EXO1: variants seen among roughly 807,000 people sequenced by gnomAD.
The protein encoded by EXO1 is exonuclease 1.
In EXO1, 69 loss-of-function variants were observed where a neutral mutation model predicts 84.5. That is an observed-to-expected ratio of 0.82 (90% CI 0.67 to 1.00). The LOEUF is 1.00. EXO1 is among the 50% of genes least tolerant of loss of function. The probability of loss-of-function intolerance (pLI) is 0.00; values close to 1 mark genes in which losing one functional copy is unlikely to be tolerated. For synonymous variants in EXO1, 373 were observed against 366.1 expected, an observed-to-expected ratio of 1.02 and a Z score of -0.21; for missense variants, 1,045 against 1,000.7, an observed-to-expected ratio of 1.04 and a Z score of -0.60.
rs1660510587 is a variant in EXO1, at chr1:241,849,155, A to G, written c.-79A>G. 1.3e-5 allele frequency: 2 copies of G among 152,168 alleles called. No individual in the cohort carries two copies. The highest frequency in any genetic ancestry group is 2.9e-5 in the Non-Finnish European group (2 of 68,040). 9.4% of individuals were successfully genotyped at this position (152,168 alleles called of 1,614,324 possible). On this transcript the variant is annotated 5_prime_UTR_variant, in exon 3 of 16. Coordinates refer to ENST00000366548, the MANE Select transcript of EXO1 (RefSeq NM_130398.4). ...ACTGAGTGGAGTTGAGAGTCTAAGA[A>G]CCTCTGAAATTTGAGAACTGCTGGA...
chr1:241,886,197 T>A (rs1255561314), intron 15 of EXO1, among the ~76,000 whole-genome samples: 1 of 152,230 alleles, frequency 6.6e-6, no homozygotes, highest in East Asian at 1.9e-4. Flanking sequence ...TGCAATATCG[T>A]ACTTCTCTAA....
At chr1:241,871,110 G>A (rs1662062310) in intron 11 of EXO1, among the ~76,000 whole-genome samples, 2 of 152,136 alleles carry the variant, frequency 1.3e-5, no homozygotes, top group African/African-American at 4.8e-5. Context: ...ATCTGGTGTG[G>A]CTTCTGAAAG....
At chr1:241,877,976 A>G (rs867397684) in intron 12 of EXO1, among the ~76,000 whole-genome samples, 3 of 152,166 alleles carry the variant, frequency 2.0e-5, no homozygotes, top group South Asian at 2.1e-4. Flanking sequence ...ATAGTTGTCA[A>G]TTGTCCTTTT....
At chr1:241,859,432 A>C (rs917685725) in intron 8 of EXO1, among the ~76,000 whole-genome samples, 1 of 152,216 alleles carries the variant, frequency 6.6e-6, no homozygotes. Flanking sequence ...TCTCATGTGA[A>C]GAGTACACAA....
chr1:241,889,690 A>AT lies in EXO1; in HGVS notation c.*96dup. ...AATGAGGCACTTATCAGCATGAAGA[A>AT]TTTTTTCTCATTCTGTGCCATTTTA... On this transcript the variant is annotated 3_prime_UTR_variant, in exon 16 of 16. Coordinates refer to ENST00000366548, the MANE Select transcript of EXO1 (RefSeq NM_130398.4). 2.4e-6 allele frequency: 3 copies of AT among 1,240,714 alleles called. No homozygotes were observed. The highest frequency in any genetic ancestry group is 3.6e-6 in the Non-Finnish European group (3 of 842,744). 76.9% of individuals were successfully genotyped at this position (1,240,714 alleles called of 1,614,324 possible). A position where few individuals can be genotyped will look rare whatever the true frequency, so the allele number is the denominator to read the frequency against.
Position 241,878,869 on chromosome 1 carries a change from A to G in EXO1, c.1635A>G (p.Gln545=). 1 of 1,614,166 alleles carries G rather than the reference A, an allele frequency of 6.2e-7. No homozygotes were observed. The change falls in exon 13 of 16, where the codon CAA becomes CAG. Residue 545 remains glutamine (Q), a synonymous_variant. Transcript: ENST00000366548. ...NNLHESEYGD[Q]EGKRLVDTDV... ...TGCATGAATCAGAGTATGGAGACCAAGAAGGCAAGAGACTGGTTGACACAG... is the reference window on the plus strand; with the variant it reads ...TGCATGAATCAGAGTATGGAGACCAGGAAGGCAAGAGACTGGTTGACACAG...
chr1:241,866,815 C>G lies in EXO1; in HGVS notation c.1042-15C>G. On this transcript the variant is annotated splice_polypyrimidine_tract_variant and intron_variant, in intron 10 of 15. Coordinates refer to ENST00000366548, the MANE Select transcript of EXO1 (RefSeq NM_130398.4). ...TTTCTTTCTGCAAATAATCTTTTTCCTTTTCCTTTTCTAGCCTGCCCATTC... is the reference window on the plus strand; with the variant it reads ...TTTCTTTCTGCAAATAATCTTTTTCGTTTTCCTTTTCTAGCCTGCCCATTC... 1.3e-6 allele frequency: 2 copies of G among 1,547,162 alleles called. No individual in the cohort carries two copies. The highest frequency in any genetic ancestry group is 1.8e-6 in the Non-Finnish European group (2 of 1,119,292).
intron 6 of EXO1, 34 bp from the exon 7 acceptor site, chr1:241,857,311 C>T (rs201750121): frequency 5.6e-6 from 9 of 1,610,206 alleles, no homozygotes; most frequent in South Asian, 3.3e-5. Flanking sequence ...TTCCAGATGC[C>T]GTGCTAGAGA....
In EXO1 at chr1:241,879,329, G is replaced by A. The variant is rs867939233; in HGVS notation, c.2095G>A (p.Asp699Asn). The change falls in exon 13 of 16, where the codon GAC becomes AAC. Residue 699 changes from aspartate (D) to asparagine (N), a missense_variant. Physicochemically the swap from Asp to Asn is conservative, Grantham distance 23. Coordinates refer to ENST00000366548, the MANE Select transcript of EXO1 (RefSeq NM_130398.4). Reference sequence around the variant, plus strand: ...AAAGCTTTCTCAGTGCTCTAGTAAGGACTCTGATTCAGAGGTAAGTCAAAT... The same window carrying A: ...AAAGCTTTCTCAGTGCTCTAGTAAGAACTCTGATTCAGAGGTAAGTCAAAT... ...ASKLSQCSSKDSDSEESDCNI... is the reference protein window; with the variant it reads ...ASKLSQCSSKNSDSEESDCNI... 16 of 1,594,186 alleles carry A rather than the reference G, an allele frequency of 1.0e-5. No individual in the cohort carries two copies. The Middle Eastern group carries it at 1.5e-3, about 149-fold the overall frequency.
At chr1:241,850,633 C>A in intron 4 of EXO1, 47 bp downstream of exon 4, 3 of 1,505,662 alleles carry the variant, frequency 2.0e-6, no homozygotes, top group South Asian at 1.1e-5. Flanking sequence ...AGAATGAGAC[C>A]TACAGTGCCT....
chr1:241,885,978 C>T (rs1422917973), intron 15 of EXO1, among the ~76,000 whole-genome samples: 4 of 152,038 alleles, frequency 2.6e-5, no homozygotes, highest in Non-Finnish European at 5.9e-5. Context: ...CTCAGCCTCC[C>T]GAGTAGCTGG....
chr1:241,856,504 GTGTATA>G (rs1661048028), intron 6 of EXO1, among the ~76,000 whole-genome samples: 2 of 151,958 alleles, frequency 1.3e-5, no homozygotes, highest in African/African-American at 4.8e-5. Flanking sequence ...TTATGTATGT[GTGTATA>G]TATACGTGTG....
intron 12 of EXO1, among the ~76,000 whole-genome samples, 157 bp from the exon 13 acceptor site, chr1:241,878,592 G>A (rs1662541969): frequency 6.6e-6 from 1 of 151,448 alleles, no homozygotes; most frequent in Non-Finnish European, 1.5e-5. Context: ...TTTGAATTTT[G>A]ACTAAAATTT....
At chr1:241,885,199 T>A in intron 14 of EXO1, 115 bp from the exon 15 acceptor site, 1 of 401,830 alleles carries the variant, frequency 2.5e-6, no homozygotes, top group Non-Finnish European at 3.9e-6. Context: ...AGAGTGAGAG[T>A]CCATCTCAAA....
chr1:241,868,277 G>A (rs1574158441), intron 11 of EXO1, among the ~76,000 whole-genome samples: 1 of 151,268 alleles, frequency 6.6e-6, no homozygotes, highest in African/African-American at 2.4e-5. Flanking sequence ...TTGTGAGGCT[G>A]AGACAGGGGA....
chr1:241,854,241 G>A (rs1340475373), intron 6 of EXO1, among the ~76,000 whole-genome samples: 1 of 152,146 alleles, frequency 6.6e-6, no homozygotes, highest in African/African-American at 2.4e-5. Flanking sequence ...GGGTTAAAGC[G>A]ATTCTCCTGC....
At chr1:241,855,812 C>T (rs1250806396) in intron 6 of EXO1, among the ~76,000 whole-genome samples, 1 of 152,238 alleles carries the variant, frequency 6.6e-6, no homozygotes, top group Non-Finnish European at 1.5e-5. Context: ...CCTCCGCAGC[C>T]GCTGGCCCGG....
intron 15 of EXO1, among the ~76,000 whole-genome samples, chr1:241,886,365 C>A (rs1663070529): frequency 1.3e-5 from 2 of 152,132 alleles, no homozygotes; most frequent in Admixed American, 1.3e-4. Context: ...ACAAAATTAG[C>A]CACAGAGTAG....
At chr1:241,856,286 A>G (rs1436326735) in intron 6 of EXO1, among the ~76,000 whole-genome samples, 1 of 151,126 alleles carries the variant, frequency 6.6e-6, no homozygotes, top group Non-Finnish European at 1.5e-5. Flanking sequence ...TAACTTCCCA[A>G]AGCCTGTCTT....
Sources: allele counts gnomAD v4.1 joint callset (sites outside exome capture counted in the v4.1 genomes callset), GRCh38; gene constraint gnomAD v4.1.1; transcripts MANE v1.5; gene names NCBI Gene and HGNC (gene_info 2026-07-23, HGNC 2026-07-21).